The following ZNF618 variants were observed in gnomAD, a reference collection of about 807,000 sequenced individuals.
ZNF618 encodes neural precursor cell expressed, developmentally down-regulated 10.
ZNF618 carries 34 observed loss-of-function variants against 103.0 expected under a neutral mutation model. The ratio of observed to expected loss-of-function variants is 0.33; its 90% CI spans 0.25 to 0.44. The LOEUF (loss-of-function observed/expected upper bound fraction) is 0.44, where lower values mean the gene tolerates loss of function less well. Ranked by LOEUF, ZNF618 falls within the 20% of genes least tolerant of loss-of-function variation. The pLI, the probability that ZNF618 is intolerant of heterozygous loss-of-function variation, is 1.00. For synonymous variants in ZNF618, 551 were observed against 542.2 expected (o/e 1.02, Z -0.23); for missense variants, 1,059 against 1,295.4 (o/e 0.82, Z 2.80).
At chr9:113,922,143 G>A (rs2131657977) in intron 1 of ZNF618, among the ~76,000 whole-genome samples, 1 of 152,300 alleles carries the variant, frequency 6.6e-6, no homozygotes, top group Non-Finnish European at 1.5e-5. Flanking sequence ...TACTCTGTGT[G>A]TGATCCTGGG....
At chr9:114,042,920 G>C (rs1845340434) in intron 13 of ZNF618, among the ~76,000 whole-genome samples, 1 of 152,210 alleles carries the variant, frequency 6.6e-6, no homozygotes, top group African/African-American at 2.4e-5. Flanking sequence ...CCACTGGCAG[G>C]TAACACCTGC....
At chr9:113,962,009 T>C (rs936759178) in intron 1 of ZNF618, among the ~76,000 whole-genome samples, 8 of 152,192 alleles carry the variant, frequency 5.3e-5, no homozygotes, top group African/African-American at 1.9e-4. Context: ...CTGGCGGTGG[T>C]ATGACCTTGG....
In ZNF618 at chr9:114,033,799, A is replaced by C. The variant is rs1844324847; in HGVS notation, c.1168+1071A>C. On this transcript the variant is annotated intron_variant, in intron 12 of 14. Transcript: ENST00000374126. ...TCACTTTCTTGCATGGTTGAAATTT[A>C]ATTCACTACATATTAGGTGTCAGCC... 2.0e-5 allele frequency among the ~76,000 whole-genome samples: 3 copies of C among 152,240 alleles called. No individual in the cohort carries two copies. In the South Asian group the frequency reaches 6.2e-4, roughly 32 times the overall value.
intron 13 of ZNF618, among the ~76,000 whole-genome samples, chr9:114,042,364 A>G (rs1310118791): frequency 1.3e-5 from 2 of 152,162 alleles, no homozygotes; most frequent in African/African-American, 2.4e-5. Context: ...TTGTTTAACT[A>G]CCATCACAAT....
At chr9:113,895,238 C>T (rs894944641) in intron 1 of ZNF618, among the ~76,000 whole-genome samples, 1 of 152,056 alleles carries the variant, frequency 6.6e-6, no homozygotes, top group South Asian at 2.1e-4. Flanking sequence ...TCATTCCCCT[C>T]CCCCACTATA....
chr9:113,969,536 G>A (rs1837749754), intron 2 of ZNF618, among the ~76,000 whole-genome samples: 2 of 152,214 alleles, frequency 1.3e-5, no homozygotes, highest in Admixed American at 1.3e-4. Context: ...CTATGTGCTA[G>A]TGTCATGTGC....
At chr9:113,910,663 TC>T (rs1453937838) in intron 1 of ZNF618, among the ~76,000 whole-genome samples, 7 of 152,116 alleles carry the variant, frequency 4.6e-5, no homozygotes, top group African/African-American at 1.7e-4. Context: ...AATATCACTT[TC>T]CTAAAGTGGT....
intron 1 of ZNF618, among the ~76,000 whole-genome samples, chr9:113,959,620 A>G (rs2132534744): frequency 1.3e-5 from 2 of 151,800 alleles, no homozygotes; most frequent in East Asian, 3.9e-4. Flanking sequence ...ATTTTTATTT[A>G]TTTTGAGATG....
At chr9:113,959,905 G>A (rs1275840111) in intron 1 of ZNF618, among the ~76,000 whole-genome samples, 2 of 152,112 alleles carry the variant, frequency 1.3e-5, no homozygotes, top group Admixed American at 6.6e-5. Context: ...CACCACGCCC[G>A]GCCCCCTTCT....
At position 114,054,192 on chromosome 9, in the gene ZNF618, C is replaced by T. The variant is rs907555201; in HGVS notation, c.*4025C>T. 1 of 152,600 alleles carries T rather than the reference C, an allele frequency of 6.6e-6. No homozygotes were observed. Among genetic ancestry groups the T allele is most frequent in the Non-Finnish European group, 1.5e-5 (1 of 68,068 alleles). 9.5% of individuals were successfully genotyped at this position (152,600 alleles called of 1,614,324 possible). On this transcript the variant is annotated 3_prime_UTR_variant, in exon 15 of 15. Coordinates refer to ENST00000374126, the MANE Select transcript of ZNF618 (RefSeq NM_001318042.2). ...CCCTATATTTGAGCAAGGCCACCTG[C>T]TTCCCCTGGACTTGAGCTGGACTCC...
intron 1 of ZNF618, among the ~76,000 whole-genome samples, chr9:113,892,606 A>G (rs915447448): frequency 2.6e-5 from 4 of 152,248 alleles, no homozygotes; most frequent in African/African-American, 9.6e-5. Flanking sequence ...TCTTTATACC[A>G]TGCAATATAT....
intron 1 of ZNF618, among the ~76,000 whole-genome samples, chr9:113,943,574 G>A (rs1013642826): frequency 4.6e-5 from 7 of 151,998 alleles, no homozygotes; most frequent in Non-Finnish European, 7.4e-5. Flanking sequence ...ACAGGCCCCA[G>A]TGTGGCCAGA....
At chr9:113,974,276 G>A (rs145276924) in intron 2 of ZNF618, among the ~76,000 whole-genome samples, 193 of 152,318 alleles carry the variant, frequency 1.3e-3, no homozygotes, top group African/African-American at 4.4e-3. Context: ...TGTGGGGGCC[G>A]AAGCAGGCAG....
Position 114,002,676 on chromosome 9 carries a change from C to G in ZNF618, c.550+14C>G. The stretch of plus-strand genomic sequence containing the variant: ...CCTCCCAAAGCAGTGAGTACTTTTT[C>G]CTCCTCGTGGGCTGCTGAGGGGCGA... On this transcript the variant is annotated intron_variant, in intron 6 of 14. Coordinates refer to ENST00000374126, the MANE Select transcript of ZNF618 (RefSeq NM_001318042.2). 1 of 1,610,704 alleles carries G rather than the reference C, an allele frequency of 6.2e-7. No individual in the cohort carries two copies. The highest frequency in any genetic ancestry group is 8.5e-7 in the Non-Finnish European group (1 of 1,179,434).
chr9:113,989,330 TTGCC>T (rs1839799319), intron 3 of ZNF618, among the ~76,000 whole-genome samples: 1 of 152,234 alleles, frequency 6.6e-6, no homozygotes, highest in South Asian at 2.1e-4. Flanking sequence ...CGGCTCAGCG[TTGCC>T]ACATCTCTGG....
intron 1 of ZNF618, among the ~76,000 whole-genome samples, chr9:113,891,846 A>G (rs908984538): frequency 2.6e-5 from 4 of 152,242 alleles, no homozygotes; most frequent in Admixed American, 2.0e-4. Flanking sequence ...AACAAGTTAA[A>G]TATTTACATA....
At chr9:113,883,644 T>A (rs1314245925) in intron 1 of ZNF618, among the ~76,000 whole-genome samples, 2 of 152,198 alleles carry the variant, frequency 1.3e-5, no homozygotes, top group Non-Finnish European at 2.9e-5. Context: ...CTTGGCTTAG[T>A]TTTTTTCAGC....
chr9:113,878,200 C>G (rs1358956727), intron 1 of ZNF618, among the ~76,000 whole-genome samples: 1 of 143,684 alleles, frequency 7.0e-6, no homozygotes, highest in Non-Finnish European at 1.5e-5. Flanking sequence ...AAAAAAAATG[C>G]ACAAATTTTA....
intron 6 of ZNF618, among the ~76,000 whole-genome samples, chr9:114,003,173 G>A (rs1292527798): frequency 6.6e-6 from 1 of 152,224 alleles, no homozygotes; most frequent in Non-Finnish European, 1.5e-5. Flanking sequence ...TTTGCCCTGA[G>A]GTGCCATATC....
Sources: gnomAD v4.1 joint callset for allele counts (sites outside exome capture counted in the v4.1 genomes callset) on GRCh38, gnomAD v4.1.1 for gene constraint, MANE v1.5 for transcripts, NCBI Gene and HGNC (gene_info 2026-07-23, HGNC 2026-07-21) for gene names.